Variants in C3orf22 observed in about 807,000 individuals in gnomAD.
The protein encoded by C3orf22 is chromosome 3 open reading frame 22.
C3orf22 carries 7 observed loss-of-function variants against 10.8 expected under a neutral mutation model. That is an observed-to-expected ratio of 0.65 (90% CI 0.37 to 1.22). The LOEUF is 1.22. Ranked by LOEUF, C3orf22 falls within the 50% of genes most tolerant of loss-of-function variation. The probability of loss-of-function intolerance (pLI) is 0.02; values close to 1 mark genes in which losing one functional copy is unlikely to be tolerated. For synonymous variants in C3orf22, 79 were observed against 78.9 expected, an observed-to-expected ratio of 1.00 and a Z score of 0.00; for missense variants, 173 against 177.0, an observed-to-expected ratio of 0.98 and a Z score of 0.13.
chr3:126,539,859 ACCCCACAC>A (rs1936907673), intron 4 of C3orf22, among the ~76,000 whole-genome samples: 1 of 24,338 alleles, frequency 4.1e-5, no homozygotes, highest in Non-Finnish European at 7.0e-5. Flanking sequence ...ACACACACAC[ACCCCACAC>A]CACACACACA....
intron 4 of C3orf22, chr3:126,541,862 G>A (rs1292677183): frequency 1.3e-6 from 2 of 1,592,476 alleles, no homozygotes; most frequent in South Asian, 1.1e-5. Flanking sequence ...GGTGGACGAC[G>A]CGCATGGCCT....
intron 3 of C3orf22, among the ~76,000 whole-genome samples, chr3:126,551,566 G>T (rs1937188029): frequency 6.6e-6 from 1 of 152,218 alleles, no homozygotes; most frequent in Non-Finnish European, 1.5e-5. Context: ...GCTGTGGTCA[G>T]CTGAGGGCCA....
intron 4 of C3orf22, among the ~76,000 whole-genome samples, chr3:126,539,507 A>C (rs1483053652): frequency 4.8e-5 from 7 of 145,304 alleles, no homozygotes; most frequent in Non-Finnish European, 3.0e-5. Flanking sequence ...CACACCACAC[A>C]CACCCCACAC....
chr3:126,552,918 C>A (rs1035246723), intron 2 of C3orf22, among the ~76,000 whole-genome samples: 1 of 152,240 alleles, frequency 6.6e-6, no homozygotes, highest in Admixed American at 6.5e-5. Flanking sequence ...TTGGCCCAGG[C>A]CCCCTCGGGC....
intron 4 of C3orf22, among the ~76,000 whole-genome samples, chr3:126,544,080 C>T (rs1576240622): frequency 6.6e-6 from 1 of 152,232 alleles, no homozygotes; most frequent in Admixed American, 6.5e-5. Flanking sequence ...ACCATTAAGA[C>T]GTGACTGGGT....
intron 1 of C3orf22, among the ~76,000 whole-genome samples, chr3:126,556,845 AC>A (rs1218536785): frequency 2.4e-4 from 34 of 141,810 alleles, no homozygotes; most frequent in African/African-American, 6.9e-4. Context: ...ACACACAGAC[AC>A]CCCCCACACA....
intron 4 of C3orf22, among the ~76,000 whole-genome samples, chr3:126,539,955 CAT>C (rs1936918469): frequency 3.5e-5 from 1 of 28,434 alleles, no homozygotes; most frequent in East Asian, 9.6e-4. Flanking sequence ...ACCTGCCACA[CAT>C]GCCACACACA....
intron 4 of C3orf22, among the ~76,000 whole-genome samples, chr3:126,543,753 T>A (rs1036738098): frequency 2.0e-5 from 3 of 151,980 alleles, no homozygotes; most frequent in African/African-American, 7.2e-5. Context: ...ATTGTGTGTA[T>A]GTGTATGTGT....
At position 126,542,268 on chromosome 3, in the gene C3orf22, G is replaced by C; in HGVS notation, c.286+7269C>G. 4.5e-6 allele frequency: 7 copies of C among 1,558,758 alleles called. No homozygotes were observed. The South Asian group carries it at 6.9e-5, about 15-fold the overall frequency. On this transcript the variant is annotated intron_variant and NMD_transcript_variant, in intron 4 of 5. Coordinates refer to the C3orf22 transcript ENST00000505070. The stretch of plus-strand genomic sequence containing the variant: ...TACCTGCTGGACCCGCGCACGCGGC[G>C]TGAGGAGCCCTTCAACGAGCACTGG...
intron 4 of C3orf22, among the ~76,000 whole-genome samples, chr3:126,536,903 AC>A (rs1936806512): frequency 1.4e-5 from 2 of 145,766 alleles, no homozygotes; most frequent in African/African-American, 5.0e-5. Flanking sequence ...ACAAACACAC[AC>A]ACACACACAC....
intron 4 of C3orf22, chr3:126,541,798 C>T: frequency 1.3e-6 from 2 of 1,549,292 alleles, no homozygotes; most frequent in Non-Finnish European, 8.7e-7. Flanking sequence ...GCGCCTGTAG[C>T]CGCCACTCAC....
rs75045644 is a variant in C3orf22, at chr3:126,529,654, C to T, written c.287-282G>A. On this transcript the variant is annotated intron_variant and NMD_transcript_variant, in intron 4 of 5. Transcript: ENST00000505070. ...GCCTGCAGTCCCCACCATGCTTTGT[C>T]TCCTTCTGTCTCTTCCTTCTCTTTC... Among the ~76,000 whole-genome samples the T allele has an allele frequency of 2.9e-3, 435 of 152,182 alleles. 1 individual carries two copies. The highest frequency in any genetic ancestry group is 0.01 in the African/African-American group (427 of 41,506).
chr3:126,542,718 G>A lies in C3orf22; in HGVS notation c.286+6819C>T, dbSNP rs973207685. 1.2e-5 allele frequency: 15 copies of A among 1,271,370 alleles called. No homozygotes were observed. The South Asian group carries it at 2.6e-4, about 22-fold the overall frequency. 78.8% of individuals were successfully genotyped at this position (1,271,370 alleles called of 1,614,324 possible). On this transcript the variant is annotated intron_variant and NMD_transcript_variant, in intron 4 of 5. Coordinates refer to the C3orf22 transcript ENST00000505070. ...CCTGGCCGCCGGGCCAGCGGGCGCAGGGCACACCTGGCCAGGCTTGGGGGC... is the reference window on the plus strand; with the variant it reads ...CCTGGCCGCCGGGCCAGCGGGCGCAAGGCACACCTGGCCAGGCTTGGGGGC...
intron 4 of C3orf22, chr3:126,541,771 G>C: frequency 6.6e-7 from 1 of 1,521,356 alleles, no homozygotes; most frequent in South Asian, 1.2e-5. Context: ...ACCGGCAGCG[G>C]CGCGACCTGC....
chr3:126,535,802 G>C (rs1936777722), intron 4 of C3orf22, among the ~76,000 whole-genome samples: 1 of 152,278 alleles, frequency 6.6e-6, no homozygotes, highest in Non-Finnish European at 1.5e-5. Flanking sequence ...GTGGCACTGA[G>C]AGGCTACAGC....
intron 1 of C3orf22, among the ~76,000 whole-genome samples, chr3:126,555,047 T>C (rs1483264330): frequency 6.6e-6 from 1 of 152,250 alleles, no homozygotes; most frequent in African/African-American, 2.4e-5. Flanking sequence ...CTAATAACTG[T>C]GAACGGCTAG....
chr3:126,537,522 A>T (rs1936823278), intron 4 of C3orf22, among the ~76,000 whole-genome samples: 1 of 152,022 alleles, frequency 6.6e-6, no homozygotes, highest in African/African-American at 2.4e-5. Flanking sequence ...GGGCCTGTGG[A>T]GCTCATCTGG....
rs995065964 is a variant in C3orf22 at position 126,536,710 on chromosome 3, G to C, written c.287-7338C>G. Among the ~76,000 whole-genome samples the C allele has an allele frequency of 1.3e-4, 20 of 151,806 alleles. No individual in the cohort carries two copies. The East Asian group carries it at 3.9e-3, about 29-fold the overall frequency. On this transcript the variant is annotated intron_variant and NMD_transcript_variant, in intron 4 of 5. Transcript: ENST00000505070. ...TGTGCTGCAGTGGGGAGGTGTGCAG[G>C]GACCCCCAGCCCCGGCGTGATTCTC...
chr3:126,534,785 G>A (rs965513816), intron 4 of C3orf22, among the ~76,000 whole-genome samples: 8 of 149,592 alleles, frequency 5.3e-5, no homozygotes, highest in African/African-American at 1.7e-4. Flanking sequence ...TCCTCAGCCA[G>A]GAGAAAAACA....
Sources: gnomAD v4.1 joint callset for allele counts (sites outside exome capture counted in the v4.1 genomes callset) on GRCh38, gnomAD v4.1.1 for gene constraint, MANE v1.5 for transcripts, NCBI Gene and HGNC (gene_info 2026-07-23, HGNC 2026-07-21) for gene names.